Variants in SLC8A1 observed in about 807,000 individuals in gnomAD.
SLC8A1 encodes solute carrier family 8 member A1.
In SLC8A1, 18 loss-of-function variants were observed where a neutral mutation model predicts 68.3. The ratio of observed to expected loss-of-function variants is 0.26; its 90% CI spans 0.18 to 0.39. SLC8A1 has a LOEUF of 0.39. Ranked by LOEUF, SLC8A1 falls within the 10% of genes least tolerant of loss-of-function variation. The probability of loss-of-function intolerance (pLI) is 1.00; values close to 1 mark genes in which losing one functional copy is unlikely to be tolerated. For missense variants in SLC8A1, 985 were observed against 1,156.7 expected (o/e 0.85, Z 2.15); for synonymous variants, 475 against 415.5 (o/e 1.14, Z -1.74).
At chr2:40,139,561 A>T in exon 7 of SLC8A1, 1 of 1,614,176 alleles carries the variant, frequency 6.2e-7, no homozygotes, top group Middle Eastern at 1.6e-4. Flanking sequence ...TCCAGTATTC[A>T]GTAGGGGGGA....
At chr2:40,237,799 CT>C (rs2060604856) in intron 2 of SLC8A1, among the ~76,000 whole-genome samples, 1 of 152,180 alleles carries the variant, frequency 6.6e-6, no homozygotes, top group Admixed American at 6.5e-5. Flanking sequence ...GACGTCCTTT[CT>C]GTTTGTTAGT....
At chr2:40,170,494 AC>A in intron 4 of SLC8A1, 145 bp from the exon 7 acceptor site, 3 of 664,188 alleles carry the variant, frequency 4.5e-6, no homozygotes, top group South Asian at 3.7e-5. Flanking sequence ...ATCATAGGTC[AC>A]CCCTAGGTAG....
chr2:40,122,006 CCT>C (rs2036940132), intron 7 of SLC8A1, among the ~76,000 whole-genome samples: 1 of 151,922 alleles, frequency 6.6e-6, no homozygotes, highest in African/African-American at 2.4e-5. Flanking sequence ...TGTATATATT[CCT>C]CTCTTTTTTC....
intron 1 of SLC8A1, among the ~76,000 whole-genome samples, chr2:40,450,215 A>G (rs1702180752): frequency 6.6e-6 from 1 of 152,166 alleles, no homozygotes; most frequent in Non-Finnish European, 1.5e-5. Context: ...AGGATTTGAA[A>G]GAGGAACCTA....
At chr2:40,105,588 C>G (rs183789561) in exon 8 of SLC8A1, 1 of 152,254 alleles carries the variant, frequency 6.6e-6, no homozygotes, top group Non-Finnish European at 1.5e-5. Context: ...ATCACTAGGT[C>G]CAATCCACCT....
chr2:40,129,406 T>A (rs200828960), intron 7 of SLC8A1, among the ~76,000 whole-genome samples: 1 of 554 alleles, frequency 1.8e-3, no homozygotes, highest in Non-Finnish European at 0.25. Context: ...AATTTAAAAC[T>A]TTTTTTTTTT....
At chr2:40,246,134 C>G (rs368109384) in intron 2 of SLC8A1, among the ~76,000 whole-genome samples, 1 of 152,134 alleles carries the variant, frequency 6.6e-6, no homozygotes, top group East Asian at 1.9e-4. Context: ...AATTTTTAAA[C>G]TGTGCACATA....
At chr2:40,367,650 A>G (rs550415621) in intron 2 of SLC8A1, among the ~76,000 whole-genome samples, 3 of 152,170 alleles carry the variant, frequency 2.0e-5, no homozygotes, top group Admixed American at 1.3e-4. Context: ...CATCTCATCT[A>G]GATGCCTCCA....
chr2:40,131,337 TTAACTGTCAATC>T (rs2039292089), intron 7 of SLC8A1, among the ~76,000 whole-genome samples: 1 of 152,232 alleles, frequency 6.6e-6, no homozygotes, highest in Non-Finnish European at 1.5e-5. Context: ...ACAGAGGCTG[TTAACTGTCAATC>T]TATCTGTGAG....
chr2:40,202,148 C>T (rs921968794), intron 2 of SLC8A1, among the ~76,000 whole-genome samples: 2 of 151,900 alleles, frequency 1.3e-5, no homozygotes, highest in African/African-American at 2.4e-5. Flanking sequence ...GAAAATTAAT[C>T]CAGTGTTAAC....
chr2:40,388,362 A>G (rs1346498989), intron 2 of SLC8A1, among the ~76,000 whole-genome samples: 1 of 152,150 alleles, frequency 6.6e-6, no homozygotes, highest in Non-Finnish European at 1.5e-5. Context: ...CACGCTTCCT[A>G]GAAGATGACG....
intron 2 of SLC8A1, among the ~76,000 whole-genome samples, chr2:40,194,504 T>C (rs868202441): frequency 3.5e-5 from 5 of 143,324 alleles, no homozygotes; most frequent in African/African-American, 1.1e-4. Context: ...TGTGTGTGTG[T>C]GTGCGCGCGC....
rs1013133797 is a variant in SLC8A1, at chr2:40,485,681, C to A, written c.-25+26668G>T. Among the ~76,000 whole-genome samples the A allele has an allele frequency of 3.3e-5, 5 of 152,032 alleles. No individual in the cohort carries two copies. In the East Asian group the frequency reaches 5.8e-4, roughly 18 times the overall value. On this transcript the variant is annotated intron_variant, in intron 1 of 7. Coordinates refer to the SLC8A1 transcript ENST00000402441. ...ATGGAATACTCTTAAATATTTTATTCATTGATAAAACTCTTGCCTTCTAGA... is the reference window on the plus strand; with the variant it reads ...ATGGAATACTCTTAAATATTTTATTAATTGATAAAACTCTTGCCTTCTAGA...
chr2:40,399,714 AG>A (rs750396294), intron 2 of SLC8A1, among the ~76,000 whole-genome samples: 61 of 152,112 alleles, frequency 4.0e-4, no homozygotes, highest in Non-Finnish European at 7.1e-4. Context: ...GGGGAAAAAA[AG>A]TCACTGATGA....
chr2:40,191,754 G>A (rs1048325117), intron 2 of SLC8A1, among the ~76,000 whole-genome samples: 1 of 152,110 alleles, frequency 6.6e-6, no homozygotes, highest in Non-Finnish European at 1.5e-5. Flanking sequence ...CTGTAAGTAA[G>A]CTTTGAAAAT....
chr2:40,171,661 CATT>C (rs2047515438), intron 4 of SLC8A1, among the ~76,000 whole-genome samples: 3 of 152,184 alleles, frequency 2.0e-5, no homozygotes, highest in Non-Finnish European at 4.4e-5. Context: ...GAACAGTCAT[CATT>C]AATTTCTTCA....
chr2:40,419,173 A>C (rs1331953245), intron 2 of SLC8A1, among the ~76,000 whole-genome samples: 1 of 152,214 alleles, frequency 6.6e-6, no homozygotes, highest in Non-Finnish European at 1.5e-5. Flanking sequence ...TGATGCTCAT[A>C]GAATATTTGC....
chr2:40,252,844 AT>A (rs1179965112), intron 2 of SLC8A1, among the ~76,000 whole-genome samples: 1 of 113,122 alleles, frequency 8.8e-6, no homozygotes, highest in Non-Finnish European at 1.8e-5. Context: ...GTGTATACAT[AT>A]ATGTATATAT....
chr2:40,287,417 CATT>C (rs2068496651), intron 2 of SLC8A1, among the ~76,000 whole-genome samples: 1 of 152,028 alleles, frequency 6.6e-6, no homozygotes, highest in South Asian at 2.1e-4. Flanking sequence ...CAGAAGCTGA[CATT>C]ATCCATAATG....
Sources: allele counts gnomAD v4.1 joint callset (sites outside exome capture counted in the v4.1 genomes callset), GRCh38; gene constraint gnomAD v4.1.1; transcripts MANE v1.5; gene names NCBI Gene and HGNC (gene_info 2026-07-23, HGNC 2026-07-21).